The following AUTS2 variants were observed in gnomAD, a reference collection of about 807,000 sequenced individuals.
The protein encoded by AUTS2 is autism susceptibility gene 2 protein.
In AUTS2, 17 loss-of-function variants were observed where a neutral mutation model predicts 112.4. That is an observed-to-expected ratio of 0.15 (90% CI 0.10 to 0.23). AUTS2 has a LOEUF of 0.23. AUTS2 is among the 10% of genes least tolerant of loss of function. The probability of loss-of-function intolerance (pLI) is 1.00; values close to 1 mark genes in which losing one functional copy is unlikely to be tolerated. For synonymous variants in AUTS2, 751 were observed against 702.7 expected (o/e 1.07, Z -1.09); for missense variants, 1,510 against 1,701.6 (o/e 0.89, Z 1.98).
intron 5 of AUTS2, among the ~76,000 whole-genome samples, chr7:70,681,449 G>A (rs774951986): frequency 4.6e-5 from 7 of 152,056 alleles, no homozygotes; most frequent in Admixed American, 6.6e-5. Context: ...ATCCTCCCTC[G>A]CTACTGGGGG....
intron 5 of AUTS2, among the ~76,000 whole-genome samples, chr7:70,465,819 A>G (rs1797147939): frequency 6.6e-6 from 1 of 152,184 alleles, no homozygotes; most frequent in Admixed American, 6.5e-5. Context: ...AGGCAAAGCC[A>G]CAGCTGTCTG....
intron 1 of AUTS2, among the ~76,000 whole-genome samples, chr7:69,612,679 C>A (rs1401991401): frequency 6.6e-6 from 1 of 152,080 alleles, no homozygotes; most frequent in Non-Finnish European, 1.5e-5. Flanking sequence ...TGGTCTTGAC[C>A]TCCTGGGCTT....
At chr7:70,331,063 A>C (rs1415902524) in intron 4 of AUTS2, among the ~76,000 whole-genome samples, 2 of 152,154 alleles carry the variant, frequency 1.3e-5, no homozygotes, top group Non-Finnish European at 2.9e-5. Flanking sequence ...CTGGCCTTAT[A>C]AAATGAGTTA....
At chr7:69,942,301 C>CA (rs1012164577) in intron 2 of AUTS2, among the ~76,000 whole-genome samples, 30 of 152,062 alleles carry the variant, frequency 2.0e-4, no homozygotes, top group African/African-American at 6.5e-4. Context: ...GATAAATGAA[C>CA]AAAAAACCTA....
chr7:70,057,457 A>G (rs1479460945), intron 2 of AUTS2, among the ~76,000 whole-genome samples: 1 of 152,220 alleles, frequency 6.6e-6, no homozygotes, highest in Non-Finnish European at 1.5e-5. Flanking sequence ...GGTAATTGTC[A>G]GCTTCCCAGA....
At chr7:69,908,355 C>G (rs1363112873) in intron 2 of AUTS2, among the ~76,000 whole-genome samples, 3 of 152,206 alleles carry the variant, frequency 2.0e-5, no homozygotes, top group African/African-American at 4.8e-5. Context: ...TAAATGAACT[C>G]TGGAGCATTG....
chr7:69,942,929 A>G (rs1046112078), intron 2 of AUTS2, among the ~76,000 whole-genome samples: 1 of 152,252 alleles, frequency 6.6e-6, no homozygotes, highest in African/African-American at 2.4e-5. Flanking sequence ...GACTAGAAAG[A>G]TATGGTTATC....
At chr7:70,315,551 C>T (rs1327499896) in intron 4 of AUTS2, among the ~76,000 whole-genome samples, 2 of 152,174 alleles carry the variant, frequency 1.3e-5, no homozygotes, top group Admixed American at 1.3e-4. Flanking sequence ...GTTATTCTTT[C>T]TGTTCCTGGC....
chr7:69,745,162 C>T (rs1787436776), intron 1 of AUTS2, among the ~76,000 whole-genome samples: 1 of 152,134 alleles, frequency 6.6e-6, no homozygotes, highest in African/African-American at 2.4e-5. Flanking sequence ...GACCAAAAAA[C>T]CACCTCTCCC....
intron 1 of AUTS2, among the ~76,000 whole-genome samples, chr7:69,891,362 T>G (rs1394734025): frequency 1.3e-5 from 2 of 152,232 alleles, no homozygotes; most frequent in Non-Finnish European, 2.9e-5. Flanking sequence ...CAACCACAGT[T>G]TGTTTATCCA....
chr7:70,410,712 C>T (rs1794739859), intron 4 of AUTS2, among the ~76,000 whole-genome samples: 1 of 151,908 alleles, frequency 6.6e-6, no homozygotes, highest in Non-Finnish European at 1.5e-5. Flanking sequence ...TGAGCCACTG[C>T]GCCTGGCTGG....
At chr7:70,463,201 A>G (rs1797039264) in intron 5 of AUTS2, among the ~76,000 whole-genome samples, 1 of 152,192 alleles carries the variant, frequency 6.6e-6, no homozygotes. Flanking sequence ...CAGCCACAAT[A>G]AAGGTACAGT....
chr7:69,952,682 A>C (rs549843077), intron 2 of AUTS2, among the ~76,000 whole-genome samples: 41 of 152,268 alleles, frequency 2.7e-4, no homozygotes, highest in Non-Finnish European at 5.1e-4. Flanking sequence ...TAGGACCTAC[A>C]TGAAGTCACA....
At chr7:70,606,025 A>C (rs1443731948) in intron 5 of AUTS2, among the ~76,000 whole-genome samples, 1 of 152,230 alleles carries the variant, frequency 6.6e-6, no homozygotes, top group Non-Finnish European at 1.5e-5. Context: ...CCTTTTCAGC[A>C]GCTGGGCTTG....
chr7:70,410,363 A>G (rs897818629), intron 4 of AUTS2, among the ~76,000 whole-genome samples: 1 of 152,092 alleles, frequency 6.6e-6, no homozygotes, highest in Non-Finnish European at 1.5e-5. Context: ...TTAAATCTGG[A>G]AAGTACAAAA....
chr7:70,492,865 T>A (rs1798307012), intron 5 of AUTS2, among the ~76,000 whole-genome samples: 1 of 152,208 alleles, frequency 6.6e-6, no homozygotes, highest in African/African-American at 2.4e-5. Context: ...CAGCCCCCTC[T>A]GTTGGGTGTT....
intron 4 of AUTS2, among the ~76,000 whole-genome samples, chr7:70,164,985 T>G (rs1407010170): frequency 6.6e-6 from 1 of 152,054 alleles, no homozygotes; most frequent in Non-Finnish European, 1.5e-5. Context: ...ACAATATACA[T>G]AAATCGTGAT....
intron 4 of AUTS2, among the ~76,000 whole-genome samples, chr7:70,172,105 C>G (rs1002611192): frequency 6.6e-6 from 1 of 152,122 alleles, no homozygotes; most frequent in Admixed American, 6.5e-5. Context: ...GTTGCTTTTC[C>G]TAACCCCCCT....
chr7:70,791,702 G>A lies in AUTS2; in HGVS notation c.*706G>A, dbSNP rs890238686. 5 of 152,526 alleles carry A rather than the reference G, an allele frequency of 3.3e-5. No homozygotes were observed. Among genetic ancestry groups the A allele is most frequent in the South Asian group, 2.1e-4 (1 of 4,810 alleles). 9.4% of individuals were successfully genotyped at this position (152,526 alleles called of 1,614,324 possible). ...AAGGTCATATTTTCCCTGAACAAGC[G>A]CTTACGTGATATGACTCTGTTTTCC... On this transcript the variant is annotated 3_prime_UTR_variant, in exon 19 of 19. Coordinates refer to ENST00000342771, the MANE Select transcript of AUTS2 (RefSeq NM_015570.4).
Sources: gnomAD v4.1 joint callset for allele counts (sites outside exome capture counted in the v4.1 genomes callset) on GRCh38, gnomAD v4.1.1 for gene constraint, MANE v1.5 for transcripts, NCBI Gene and HGNC (gene_info 2026-07-23, HGNC 2026-07-21) for gene names.